The following CSMD1 variants were observed in gnomAD, a reference collection of about 807,000 sequenced individuals.
CSMD1 encodes the protein CUB and Sushi multiple domains 1.
In CSMD1, 213 loss-of-function variants were observed where a neutral mutation model predicts 417.5. The ratio of observed to expected loss-of-function variants is 0.51; its 90% CI spans 0.46 to 0.57. The LOEUF is 0.57. Among genes scored for constraint, CSMD1 ranks in the 20% least tolerant of loss-of-function variants. The pLI is 0.00. For synonymous variants in CSMD1, 2,862 were observed against 1,736.8 expected (o/e 1.65, Z -16.11); for missense variants, 6,923 against 4,529.7 (o/e 1.53, Z -15.17).
At chr8:3,415,100 C>G (rs1012738760) in intron 12 of CSMD1, among the ~76,000 whole-genome samples, 1 of 152,096 alleles carries the variant, frequency 6.6e-6, no homozygotes. Context: ...GATTTTTATT[C>G]GCACTCACAT....
At chr8:4,676,655 G>T (rs1200324851) in intron 1 of CSMD1, among the ~76,000 whole-genome samples, 1 of 151,894 alleles carries the variant, frequency 6.6e-6, no homozygotes, top group Non-Finnish European at 1.5e-5. Context: ...AGTTACAAAG[G>T]AAAAAAGAAC....
intron 3 of CSMD1, among the ~76,000 whole-genome samples, chr8:4,094,235 G>C (rs1183019499): frequency 1.3e-5 from 2 of 152,030 alleles, no homozygotes; most frequent in Non-Finnish European, 2.9e-5. Flanking sequence ...CTCGTAACCT[G>C]GACAAGTTGA....
intron 10 of CSMD1, among the ~76,000 whole-genome samples, chr8:3,535,208 C>T (rs1798145187): frequency 6.6e-6 from 1 of 152,080 alleles, no homozygotes; most frequent in Non-Finnish European, 1.5e-5. Context: ...TCTGTTTCAG[C>T]CTCCCAAGCT....
intron 17 of CSMD1, among the ~76,000 whole-genome samples, chr8:3,394,017 T>C (rs867315824): frequency 2.6e-5 from 2 of 77,216 alleles, no homozygotes; most frequent in East Asian, 7.5e-4. Flanking sequence ...ATAAATTATA[T>C]ATATATATAT....
intron 2 of CSMD1, among the ~76,000 whole-genome samples, chr8:4,465,734 G>A (rs925449001): frequency 1.3e-5 from 2 of 152,164 alleles, no homozygotes; most frequent in African/African-American, 2.4e-5. Context: ...GGTGTTTGGA[G>A]GAACTCTAGT....
chr8:4,793,835 G>GAAAA (rs35760193), intron 1 of CSMD1, among the ~76,000 whole-genome samples: 3 of 132,420 alleles, frequency 2.3e-5, no homozygotes, highest in Non-Finnish European at 3.1e-5. Flanking sequence ...CCCAGAATAG[G>GAAAA]AAAAAAAAAA....
chr8:3,442,887 C>T (rs1189437424), intron 12 of CSMD1, among the ~76,000 whole-genome samples: 3 of 152,054 alleles, frequency 2.0e-5, no homozygotes, highest in African/African-American at 7.2e-5. Context: ...TAACTTCACA[C>T]ATTACTTGTG....
At chr8:3,543,504 G>T (rs1251454143) in intron 10 of CSMD1, among the ~76,000 whole-genome samples, 2 of 152,172 alleles carry the variant, frequency 1.3e-5, no homozygotes, top group African/African-American at 4.8e-5. Flanking sequence ...GCAATTAACT[G>T]TGGAAATGGG....
intron 41 of CSMD1, among the ~76,000 whole-genome samples, chr8:3,137,260 C>T (rs577416702): frequency 3.9e-5 from 6 of 152,310 alleles, no homozygotes; most frequent in Non-Finnish European, 7.3e-5. Flanking sequence ...ATCCGCAATG[C>T]GTAGGGACTA....
intron 4 of CSMD1, among the ~76,000 whole-genome samples, chr8:4,025,360 A>G (rs1002335527): frequency 2.6e-5 from 4 of 152,190 alleles, no homozygotes; most frequent in African/African-American, 7.2e-5. Context: ...TTGATCCTCT[A>G]TTTCCCTGTA....
chr8:3,302,041 G>A (rs973816773), intron 25 of CSMD1, among the ~76,000 whole-genome samples: 1 of 152,012 alleles, frequency 6.6e-6, no homozygotes, highest in Non-Finnish European at 1.5e-5. Context: ...GGAAATTATT[G>A]GATATTGAGG....
chr8:4,034,084 G>T (rs1343996534), intron 3 of CSMD1, among the ~76,000 whole-genome samples: 4 of 152,080 alleles, frequency 2.6e-5, no homozygotes, highest in African/African-American at 9.6e-5. Context: ...TCGGCATGGG[G>T]GTGTATTTTA....
chr8:4,930,032 G>C (rs760779362), intron 1 of CSMD1, among the ~76,000 whole-genome samples: 1 of 152,162 alleles, frequency 6.6e-6, no homozygotes, highest in Non-Finnish European at 1.5e-5. Context: ...GAAAGGAACA[G>C]GGGTGCACGG....
Position 4,150,892 on chromosome 8 carries a change from A to ATAAATTACG in CSMD1, c.416-118794_416-118793insCGTAATTTA, listed in dbSNP as rs1331426631. 7.9e-5 allele frequency among the ~76,000 whole-genome samples: 12 copies of ATAAATTACG among 152,002 alleles called. 1 individual carries two copies. The highest frequency in any genetic ancestry group is 1.6e-4 in the Non-Finnish European group (11 of 67,986). On this transcript the variant is annotated intron_variant, in intron 3 of 69. Transcript: ENST00000635120. ...AAAATGTCCTGCTGAGAAACGCCTG[A>ATAAATTACG]GAAAGAGCAATGTTTTGTTCCCTCT...
intron 3 of CSMD1, among the ~76,000 whole-genome samples, chr8:4,157,604 C>G (rs1048287215): frequency 1.3e-5 from 2 of 152,194 alleles, no homozygotes; most frequent in African/African-American, 2.4e-5. Context: ...GTAACAAATG[C>G]AAATCTTTCA....
At chr8:3,643,044 A>G (rs1395823786) in intron 7 of CSMD1, among the ~76,000 whole-genome samples, 2 of 152,110 alleles carry the variant, frequency 1.3e-5, no homozygotes, top group Non-Finnish European at 2.9e-5. Flanking sequence ...GGAGGAAAAA[A>G]TCCTGTGCAT....
chr8:3,557,271 G>A (rs1299621839), intron 10 of CSMD1, among the ~76,000 whole-genome samples: 1 of 152,156 alleles, frequency 6.6e-6, no homozygotes, highest in Non-Finnish European at 1.5e-5. Context: ...TGGGATTCGT[G>A]GCTTGGAGAC....
At chr8:3,668,733 G>A (rs1482922063) in intron 7 of CSMD1, among the ~76,000 whole-genome samples, 1 of 152,132 alleles carries the variant, frequency 6.6e-6, no homozygotes, top group African/African-American at 2.4e-5. Flanking sequence ...AGCTCAGGAG[G>A]GGCCAACGCT....
chr8:4,256,179 ACTTCATT>A (rs1225961001), intron 3 of CSMD1, among the ~76,000 whole-genome samples: 1 of 152,144 alleles, frequency 6.6e-6, no homozygotes, highest in Non-Finnish European at 1.5e-5. Flanking sequence ...GCCAATTTCC[ACTTCATT>A]TGTTTGTGAT....
Sources: allele counts gnomAD v4.1 joint callset (sites outside exome capture counted in the v4.1 genomes callset), GRCh38; gene constraint gnomAD v4.1.1; transcripts MANE v1.5; gene names NCBI Gene and HGNC (gene_info 2026-07-23, HGNC 2026-07-21).